The following CCNH variants were observed in gnomAD, a reference collection of about 807,000 sequenced individuals.
CCNH encodes cyclin-H.
A neutral mutation model predicts 41.9 loss-of-function variants in CCNH; 31 were observed. The ratio of observed to expected loss-of-function variants is 0.74; its 90% CI spans 0.56 to 1.00. The LOEUF (loss-of-function observed/expected upper bound fraction) is 1.00, where lower values mean the gene tolerates loss of function less well. Ranked by LOEUF, CCNH falls within the 50% of genes least tolerant of loss-of-function variation. The pLI is 0.00. For synonymous variants in CCNH, 138 were observed against 136.1 expected, an observed-to-expected ratio of 1.01 and a Z score of -0.10; for missense variants, 362 against 388.4, an observed-to-expected ratio of 0.93 and a Z score of 0.57.
chr5:87,376,325 A>G, exon 1 of CCNH: 1 of 1,569,510 alleles, frequency 6.4e-7, no homozygotes, highest in African/African-American at 1.4e-5. Flanking sequence ...AACACCAGGA[A>G]AATTTACTTG....
chr5:87,374,853 G>T, downstream of CCNH: 1 of 1,608,986 alleles, frequency 6.2e-7, no homozygotes, highest in South Asian at 1.1e-5. Flanking sequence ...TCTTCCTCCT[G>T]ACATCAATAG....
chr5:87,412,845 A>G lies in CCNH; in HGVS notation c.-51T>C. Reference sequence around the variant, plus strand: ...GGTCTGCAGACGAGAACCCAAACGCATCAGCGTCCTGGCGTAAAACACCCG... The same window carrying G: ...GGTCTGCAGACGAGAACCCAAACGCGTCAGCGTCCTGGCGTAAAACACCCG... On this transcript the variant is annotated 5_prime_UTR_variant, in exon 1 of 9. It removes an upstream start codon present in the reference 5' UTR. Coordinates refer to ENST00000256897, the MANE Select transcript of CCNH (RefSeq NM_001239.4). 1 of 1,592,416 alleles carries G rather than the reference A, an allele frequency of 6.3e-7. No homozygotes were observed. Among genetic ancestry groups the G allele is most frequent in the Non-Finnish European group, 8.6e-7 (1 of 1,163,516 alleles).
chr5:87,376,220 C>T (rs552162328), downstream of CCNH: 37 of 729,748 alleles, frequency 5.1e-5, no homozygotes, highest in East Asian at 4.6e-4. Context: ...TTTAGTGCAC[C>T]GTAGACACTC....
intron 7 of CCNH, among the ~76,000 whole-genome samples, chr5:87,398,131 G>A (rs948321681): frequency 2.0e-4 from 31 of 152,260 alleles, no homozygotes; most frequent in African/African-American, 4.3e-4. Flanking sequence ...CACTGAAACC[G>A]AGGAGTGAAT....
chr5:87,329,988 G>T (rs1757494031), intron 9 of CCNH, among the ~76,000 whole-genome samples: 1 of 152,086 alleles, frequency 6.6e-6, no homozygotes, highest in South Asian at 2.1e-4. Context: ...AAAGATAATG[G>T]CTGAACTAAG....
downstream of CCNH, among the ~76,000 whole-genome samples, chr5:87,389,129 T>G (rs953078942): frequency 4.6e-5 from 7 of 152,124 alleles, no homozygotes; most frequent in Admixed American, 2.0e-4. Context: ...TATACCCAAT[T>G]AGAATCTTTT....
intron 9 of CCNH, among the ~76,000 whole-genome samples, chr5:87,322,357 G>C (rs555284908): frequency 6.6e-6 from 1 of 152,180 alleles, no homozygotes; most frequent in African/African-American, 2.4e-5. Context: ...AACTCCTCAC[G>C]TGAGGGATAT....
chr5:87,322,514 A>G (rs1756901562), intron 9 of CCNH, among the ~76,000 whole-genome samples: 1 of 152,112 alleles, frequency 6.6e-6, no homozygotes, highest in Non-Finnish European at 1.5e-5. Context: ...GTTGGGGACT[A>G]CTGGTTTAAA....
downstream of CCNH, chr5:87,394,054 G>A (rs998265139): frequency 4.3e-5 from 7 of 162,082 alleles, no homozygotes; most frequent in Admixed American, 6.4e-5. Flanking sequence ...TATCAGGATG[G>A]CATTCAAAAA....
At chr5:87,389,272 A>T, downstream of CCNH, 1 of 1,289,778 alleles carries the variant, frequency 7.8e-7, no homozygotes, top group South Asian at 1.2e-5. Flanking sequence ...CGGAGGTTGC[A>T]GTGAGCCGAG....
rs1451863315 is a variant in CCNH, at chr5:87,395,079, C to T, written c.898G>A (p.Asp300Asn). 2 of 1,611,808 alleles carry T rather than the reference C, an allele frequency of 1.2e-6. No homozygotes were observed. Among genetic ancestry groups the T allele is most frequent in the South Asian group, 2.2e-5 (2 of 91,000 alleles). The change falls in exon 8 of 9, where the codon GAT (aspartate) becomes AAT (asparagine). Residue 300 changes from aspartate (D) to asparagine (N), a missense_variant. Transcript: ENST00000256897. ...TTGGATTTCTTTGAGACGTAATCAT[C>T]ATCTTCATAGCCTTTCCTCTTCTTC... ...ITKKRKGYED[D>N]DYVSKKSKHE...
rs571984001 is a variant in CCNH at position 87,365,702 on chromosome 5, A to G, written c.*90+27068T>C. 2.6e-5 allele frequency among the ~76,000 whole-genome samples: 4 copies of G among 152,218 alleles called. No individual in the cohort carries two copies. The South Asian group carries it at 6.2e-4, about 24-fold the overall frequency. ...AAAGTCATTAGACTCATAAGATAAA[A>G]AATAATTTTAAAAAAATGTAACTCA... On this transcript the variant is annotated intron_variant and NMD_transcript_variant, in intron 9 of 9. Coordinates refer to the CCNH transcript ENST00000645953.
intron 9 of CCNH, chr5:87,333,444 GC>G: frequency 6.6e-7 from 1 of 1,515,982 alleles, no homozygotes; most frequent in African/African-American, 1.4e-5. Context: ...ATGGCATACA[GC>G]AAGGTGAAAG....
intron 9 of CCNH, among the ~76,000 whole-genome samples, chr5:87,319,362 G>A (rs749101331): frequency 6.6e-6 from 1 of 152,336 alleles, no homozygotes; most frequent in Non-Finnish European, 1.5e-5. Context: ...CCTAGTAGAG[G>A]GTCTCCATGA....
intron 9 of CCNH, among the ~76,000 whole-genome samples, chr5:87,386,062 C>T (rs778922607): frequency 6.6e-6 from 1 of 151,972 alleles, no homozygotes; most frequent in Non-Finnish European, 1.5e-5. Context: ...ATTTAAGATA[C>T]TTTTATTGCT....
At chr5:87,380,710 C>A, upstream of CCNH, 2 of 974,308 alleles carry the variant, frequency 2.1e-6, no homozygotes, top group Non-Finnish European at 1.6e-6. Context: ...TATGTCAAAG[C>A]CCTGTTGCAT....
At chr5:87,319,124 C>A (rs1756574719) in intron 9 of CCNH, among the ~76,000 whole-genome samples, 2 of 152,232 alleles carry the variant, frequency 1.3e-5, no homozygotes, top group Non-Finnish European at 2.9e-5. Flanking sequence ...CTCCTAAGGC[C>A]TTTGGCAGCT....
At chr5:87,409,044 G>C (rs750467954) in intron 3 of CCNH, 2 of 285,692 alleles carry the variant, frequency 7.0e-6, no homozygotes, top group Non-Finnish European at 1.3e-5. Flanking sequence ...TAGCTAATTT[G>C]AGAAAAACAA....
chr5:87,379,937 TGTC>T, upstream of CCNH: 2 of 1,305,254 alleles, frequency 1.5e-6, no homozygotes, highest in South Asian at 2.5e-5. Flanking sequence ...GCTTTTCTGT[TGTC>T]CTAATATTAT....
Sources: allele counts gnomAD v4.1 joint callset (sites outside exome capture counted in the v4.1 genomes callset), GRCh38; gene constraint gnomAD v4.1.1; transcripts MANE v1.5; gene names NCBI Gene and HGNC (gene_info 2026-07-23, HGNC 2026-07-21).